Variants in PELI2 observed in about 807,000 individuals in gnomAD.
The protein encoded by PELI2 is E3 ubiquitin-protein ligase pellino homolog 2.
In PELI2, 23 loss-of-function variants were observed where a neutral mutation model predicts 42.3. The observed-to-expected ratio is 0.54, with a 90% CI of 0.39 to 0.77. The LOEUF is 0.77. PELI2 is among the 30% of genes least tolerant of loss of function. The probability of loss-of-function intolerance (pLI) is 0.00; values close to 1 mark genes in which losing one functional copy is unlikely to be tolerated. For synonymous variants in PELI2, 245 were observed against 212.2 expected (o/e 1.15, Z -1.34); for missense variants, 463 against 553.2 (o/e 0.84, Z 1.64).
chr14:56,301,007 T>C lies in PELI2; in HGVS notation c.*3841T>C, dbSNP rs1400995359. The C allele has an allele frequency of 1.3e-5, 2 of 152,244 alleles. No individual in the cohort carries two copies. Among genetic ancestry groups the C allele is most frequent in the Non-Finnish European group, 2.9e-5 (2 of 68,038 alleles). 9.4% of individuals were successfully genotyped at this position (152,244 alleles called of 1,614,324 possible). ...GATAAGGAAAATAAGTATTTTCCAG[T>C]TTTGCTTGACAGTTTCTAAACAAAC... On this transcript the variant is annotated 3_prime_UTR_variant, in exon 6 of 6. Transcript: ENST00000267460.
At chr14:56,291,432 C>G (rs960401194) in intron 5 of PELI2, among the ~76,000 whole-genome samples, 3 of 152,080 alleles carry the variant, frequency 2.0e-5, no homozygotes, top group Non-Finnish European at 4.4e-5. Flanking sequence ...ATTTTTATTT[C>G]TATTTTACAC....
At chr14:56,125,589 T>C (rs1168640786) in intron 1 of PELI2, among the ~76,000 whole-genome samples, 2 of 152,060 alleles carry the variant, frequency 1.3e-5, no homozygotes, top group Non-Finnish European at 2.9e-5. Flanking sequence ...CTTGAGTGGG[T>C]TCTGCTCTTT....
intron 2 of PELI2, among the ~76,000 whole-genome samples, chr14:56,190,739 G>A (rs1451870846): frequency 6.6e-6 from 1 of 152,126 alleles, no homozygotes; most frequent in Admixed American, 6.5e-5. Context: ...TATTCATTCT[G>A]TTAGCCAATA....
At chr14:56,226,231 C>T (rs1051718984) in intron 2 of PELI2, among the ~76,000 whole-genome samples, 13 of 152,202 alleles carry the variant, frequency 8.5e-5, no homozygotes, top group African/African-American at 2.7e-4. Context: ...GGATTTCGCT[C>T]CCAGGTTCTT....
intron 1 of PELI2, among the ~76,000 whole-genome samples, chr14:56,155,645 G>A (rs1194039912): frequency 2.7e-5 from 4 of 150,260 alleles, no homozygotes; most frequent in African/African-American, 9.8e-5. Context: ...GCAGTGGCGC[G>A]ATCTCGGCTC....
intron 1 of PELI2, among the ~76,000 whole-genome samples, chr14:56,127,465 G>A (rs150577392): frequency 7.2e-5 from 11 of 152,300 alleles, no homozygotes; most frequent in African/African-American, 1.4e-4. Flanking sequence ...TGTGACTGTC[G>A]GCAGTAAGAA....
chr14:56,165,087 T>C (rs1402487349), intron 1 of PELI2, among the ~76,000 whole-genome samples: 1 of 152,062 alleles, frequency 6.6e-6, no homozygotes, highest in Non-Finnish European at 1.5e-5. Context: ...GGTTTGCTCT[T>C]GCTTTTCTAG....
At chr14:56,159,747 G>A (rs961131703) in intron 1 of PELI2, among the ~76,000 whole-genome samples, 1 of 152,142 alleles carries the variant, frequency 6.6e-6, no homozygotes, top group African/African-American at 2.4e-5. Flanking sequence ...AGAGCCAACA[G>A]CAGCATACAA....
intron 2 of PELI2, among the ~76,000 whole-genome samples, chr14:56,217,342 A>G (rs556110870): frequency 6.6e-6 from 1 of 152,362 alleles, no homozygotes; most frequent in East Asian, 1.9e-4. Flanking sequence ...GGGAATGGGC[A>G]TATAACCAGA....
At chr14:56,279,004 C>T (rs1302353377) in intron 2 of PELI2, among the ~76,000 whole-genome samples, 2 of 152,070 alleles carry the variant, frequency 1.3e-5, no homozygotes, top group East Asian at 3.8e-4. Context: ...AGAATGATAT[C>T]ATATTATTCC....
chr14:56,236,991 G>A (rs1032666407), intron 2 of PELI2, among the ~76,000 whole-genome samples: 3 of 152,158 alleles, frequency 2.0e-5, no homozygotes, highest in African/African-American at 7.2e-5. Flanking sequence ...TCCATCTTGG[G>A]CAGCCCCTGG....
chr14:56,265,613 A>G lies in PELI2; in HGVS notation c.208-14063A>G, dbSNP rs553510114. ...AGAACAAATTGATAAATAGACATCA[A>G]AGTTAAGAACTTACGCCTTTGGAAT... On this transcript the variant is annotated intron_variant, in intron 2 of 5. Transcript: ENST00000267460. Among the ~76,000 whole-genome samples, 296 of 152,238 alleles carry G rather than the reference A, an allele frequency of 1.9e-3. 2 individuals carry two copies. The highest frequency in any genetic ancestry group is 3.1e-3 in the Non-Finnish European group (212 of 67,946).
chr14:56,177,018 A>G lies in PELI2; in HGVS notation c.78-1317A>G, dbSNP rs375050222. Among the ~76,000 whole-genome samples, 22 of 152,404 alleles carry G rather than the reference A, an allele frequency of 1.4e-4. 1 individual carries two copies. Among genetic ancestry groups the G allele is most frequent in the Admixed American group, 8.5e-4 (13 of 15,312 alleles). On this transcript the variant is annotated intron_variant, in intron 1 of 5. Coordinates refer to ENST00000267460, the MANE Select transcript of PELI2 (RefSeq NM_021255.3). ...AAACACGTTTAAGAAAATAGTGTAC[A>G]TGATTCTGATCTGCCTGAGAAAAAC...
intron 2 of PELI2, among the ~76,000 whole-genome samples, chr14:56,250,686 A>G (rs1888314465): frequency 6.6e-6 from 1 of 152,162 alleles, no homozygotes; most frequent in Admixed American, 6.5e-5. Flanking sequence ...TTCTGCCTGC[A>G]TTATTCTAGC....
In PELI2 at chr14:56,262,850, A is replaced by T. The variant is rs772321436; in HGVS notation, c.208-16826A>T. ...CATATTCTCTACCAAATACAGCCAG[A>T]ATGTAAAAGTTTTAATATAGAATAT... On this transcript the variant is annotated intron_variant, in intron 2 of 5. Transcript: ENST00000267460. Among the ~76,000 whole-genome samples the T allele has an allele frequency of 5.6e-4, 86 of 152,328 alleles. 1 individual carries two copies. Among genetic ancestry groups the T allele is most frequent in the Non-Finnish European group, 1.0e-3 (69 of 68,022 alleles).
chr14:56,253,142 A>G (rs2139818740), intron 2 of PELI2, among the ~76,000 whole-genome samples: 1 of 152,298 alleles, frequency 6.6e-6, no homozygotes, highest in Non-Finnish European at 1.5e-5. Context: ...CCATCGATAA[A>G]ATTCATCACC....
At chr14:56,266,121 G>A (rs1888894305) in intron 2 of PELI2, among the ~76,000 whole-genome samples, 1 of 151,836 alleles carries the variant, frequency 6.6e-6, no homozygotes, top group Admixed American at 6.6e-5. Context: ...CAAACATTTG[G>A]GTAATATTTC....
chr14:56,247,893 C>T (rs930150857), intron 2 of PELI2, among the ~76,000 whole-genome samples: 2 of 152,088 alleles, frequency 1.3e-5, no homozygotes, highest in Non-Finnish European at 2.9e-5. Flanking sequence ...AAGGATGACA[C>T]TATATTCTAT....
In PELI2 at chr14:56,273,793, A is replaced by G. The variant is rs1353680335; in HGVS notation, c.208-5883A>G. ...CAGAAGGAGAAAATGTTTGAACCAA[A>G]CCATGTAATGATGCTGTACACTGCA... On this transcript the variant is annotated intron_variant, in intron 2 of 5. Coordinates refer to ENST00000267460, the MANE Select transcript of PELI2 (RefSeq NM_021255.3). The surrounding 1 kb of genome is among the most constrained non-coding windows in gnomAD (Gnocchi z 4.3). Among the ~76,000 whole-genome samples, 2 of 152,314 alleles carry G rather than the reference A, an allele frequency of 1.3e-5. No homozygotes were observed. Among genetic ancestry groups the G allele is most frequent in the East Asian group, 1.9e-4 (1 of 5,180 alleles).
Sources: allele counts gnomAD v4.1 joint callset (sites outside exome capture counted in the v4.1 genomes callset), GRCh38; gene constraint gnomAD v4.1.1; non-coding constraint Gnocchi (gnomAD v3.1); transcripts MANE v1.5; gene names NCBI Gene and HGNC (gene_info 2026-07-23, HGNC 2026-07-21).